Variants in CLCN5 observed in about 807,000 individuals in gnomAD.
The protein encoded by CLCN5 is H(+)/Cl(-) exchange transporter 5.
Under a neutral mutation model 54.0 loss-of-function variants are expected in CLCN5, and 17 were observed. That is an observed-to-expected ratio of 0.31 (90% CI 0.22 to 0.47). CLCN5 has a LOEUF of 0.47. CLCN5 is among the 20% of genes least tolerant of loss of function. The probability of loss-of-function intolerance (pLI) is 1.00; values close to 1 mark genes in which losing one functional copy is unlikely to be tolerated. For missense variants in CLCN5, 448 were observed against 646.7 expected (o/e 0.69, Z 3.33); for synonymous variants, 222 against 233.0 (o/e 0.95, Z 0.43).
intron 3 of CLCN5, among the ~76,000 whole-genome samples, chrX:49,990,203 C>T (rs1318514989): frequency 2.7e-5 from 3 of 110,224 alleles, no homozygotes; most frequent in African/African-American, 9.9e-5. Context: ...CTCGCTCTGT[C>T]GCCCAGGCTG....
At chrX:49,922,947 T>C in intron 1 of CLCN5, among the ~76,000 whole-genome samples, 155 bp downstream of exon 1, 1 of 111,672 alleles carries the variant, frequency 9.0e-6, no homozygotes, top group Non-Finnish European at 1.9e-5. Flanking sequence ...GCGCCCGGCG[T>C]TGGCAGCCCG....
intron 3 of CLCN5, among the ~76,000 whole-genome samples, chrX:49,978,263 A>C (rs1306137292): frequency 1.8e-5 from 2 of 111,783 alleles, no homozygotes; most frequent in Non-Finnish European, 3.8e-5. Context: ...AATTCTTAAT[A>C]GTTTTTGAGT....
At position 50,080,678 on chromosome X, in the gene CLCN5, G is replaced by A; in HGVS notation, c.688G>A (p.Val230Met). 1 of 1,206,178 alleles carries A rather than the reference G, an allele frequency of 8.3e-7. No individual in the cohort carries two copies. The highest frequency in any genetic ancestry group is 1.1e-6 in the Non-Finnish European group (1 of 890,893). The change falls in exon 8 of 15, where the codon GTG (valine) becomes ATG (methionine). Residue 230 changes from valine to methionine, a missense_variant. Coordinates refer to ENST00000376091, the MANE Select transcript of CLCN5 (RefSeq NM_001127898.4). ...CTTCCTTGCCGTATCTCTTGTCAAG[G>A]TGTTTGCGCCTTATGCCTGTGGCTC... ...FAFLAVSLVK[V>M]FAPYACGSGI... is the part of the protein sequence containing the mutation.
intron 3 of CLCN5, among the ~76,000 whole-genome samples, chrX:49,980,183 C>T (rs17174047): frequency 1.8e-5 from 2 of 110,647 alleles, no homozygotes; most frequent in African/African-American, 6.6e-5. Flanking sequence ...TAAATCTAAT[C>T]CTACTTTTAG....
chrX:50,026,113 T>G (rs1310034580), intron 3 of CLCN5, among the ~76,000 whole-genome samples: 2 of 112,107 alleles, frequency 1.8e-5, no homozygotes, highest in Non-Finnish European at 3.8e-5. Flanking sequence ...TGTTTTTTAA[T>G]TTTTCTTTAG....
chrX:50,018,333 C>T (rs185411651), intron 3 of CLCN5, among the ~76,000 whole-genome samples: 22 of 112,148 alleles, frequency 2.0e-4, no homozygotes, highest in African/African-American at 6.1e-4. Flanking sequence ...TGCAACCTTG[C>T]TATAGTTACT....
At chrX:49,952,303 C>G (rs1927075833) in intron 3 of CLCN5, among the ~76,000 whole-genome samples, 1 of 110,006 alleles carries the variant, frequency 9.1e-6, no homozygotes, top group African/African-American at 3.3e-5. Context: ...CTGGCCTTTC[C>G]TTTCAGCTAC....
At position 50,075,928 on chromosome X, in the gene CLCN5, A is replaced by G; in HGVS notation, c.549A>G (p.Arg183=). 8 of 1,211,664 alleles carry G rather than the reference A, an allele frequency of 6.6e-6. No homozygotes were observed. Among genetic ancestry groups the G allele is most frequent in the Non-Finnish European group, 8.9e-6 (8 of 895,142 alleles). ...CTGAGCATGTCACCTTTGAAGAGAG[A>G]GACAAATGTCCAGAGTGGAATAGTT... The part of the protein sequence containing the change: ...WNSEHVTFEE[R]DKCPEWNSWS... The change falls in exon 7 of 15, where the codon AGA becomes AGG. Residue 183 remains arginine (R), a synonymous_variant. Coordinates refer to ENST00000376091, the MANE Select transcript of CLCN5 (RefSeq NM_001127898.4).
chrX:49,996,214 C>T (rs190836109), intron 3 of CLCN5, among the ~76,000 whole-genome samples: 1 of 112,208 alleles, frequency 8.9e-6, no homozygotes, highest in African/African-American at 3.2e-5. Context: ...TAAGATTCAT[C>T]TTCATAAAAC....
intron 3 of CLCN5, among the ~76,000 whole-genome samples, chrX:49,934,893 G>T (rs782486477): frequency 8.9e-6 from 1 of 111,806 alleles, no homozygotes; most frequent in Non-Finnish European, 1.9e-5. Context: ...TAAATCTTCT[G>T]GCCCTTCCAC....
intron 3 of CLCN5, among the ~76,000 whole-genome samples, chrX:49,974,957 T>C (rs782319826): frequency 2.7e-5 from 3 of 112,004 alleles, no homozygotes; most frequent in African/African-American, 6.5e-5. Flanking sequence ...TGATATTTCA[T>C]TGGCTTCTTT....
At chrX:50,052,170 G>T (rs781870388) in intron 4 of CLCN5, among the ~76,000 whole-genome samples, 3 of 111,664 alleles carry the variant, frequency 2.7e-5, no homozygotes, top group Non-Finnish European at 5.7e-5. Context: ...GCCTTTTTTG[G>T]TAGATGTTCT....
intron 3 of CLCN5, among the ~76,000 whole-genome samples, chrX:50,033,267 C>G (rs1448304406): frequency 9.0e-6 from 1 of 111,218 alleles, no homozygotes; most frequent in East Asian, 2.8e-4. Flanking sequence ...ATCTAGAAAA[C>G]CCCATTGTCT....
intron 3 of CLCN5, among the ~76,000 whole-genome samples, chrX:49,971,227 T>A (rs979162710): frequency 2.3e-4 from 24 of 103,952 alleles, no homozygotes; most frequent in Admixed American, 3.3e-4. Context: ...TATATATATA[T>A]AAATATATAT....
rs782682234 is a variant in CLCN5, at chrX:49,975,485, G to A, written c.16+50171G>A. Among the ~76,000 whole-genome samples the A allele has an allele frequency of 1.3e-4, 15 of 111,734 alleles. No homozygotes were observed. In the Middle Eastern group the frequency reaches 0.014, roughly 103 times the overall value. ...AGGGAGGAAAATAGGATTGCCTGCA[G>A]CCACATGGAACAGCTGGCAGTTTTC... On this transcript the variant is annotated intron_variant, in intron 3 of 14. Coordinates refer to ENST00000376091, the MANE Select transcript of CLCN5 (RefSeq NM_001127898.4).
chrX:49,952,569 G>A (rs1450475080), intron 3 of CLCN5, among the ~76,000 whole-genome samples: 1 of 108,967 alleles, frequency 9.2e-6, no homozygotes, highest in Non-Finnish European at 1.9e-5. Context: ...ATGATTCAGT[G>A]ACTCCTTCCT....
At chrX:50,004,177 C>T (rs1025126208) in intron 3 of CLCN5, among the ~76,000 whole-genome samples, 5 of 111,786 alleles carry the variant, frequency 4.5e-5, no homozygotes, top group African/African-American at 1.6e-4. Context: ...ATTTGGTGAG[C>T]CACTCATTCA....
chrX:49,941,183 G>A (rs1389762013), intron 3 of CLCN5, among the ~76,000 whole-genome samples: 2 of 110,105 alleles, frequency 1.8e-5, no homozygotes, highest in African/African-American at 3.3e-5. Context: ...CTAGCCAGGC[G>A]TGGTGGTGCA....
At chrX:50,081,441 G>C (rs1232335025) in intron 8 of CLCN5, among the ~76,000 whole-genome samples, 200 bp from the exon 9 acceptor site, 2 of 111,213 alleles carry the variant, frequency 1.8e-5, no homozygotes, top group African/African-American at 6.6e-5. Flanking sequence ...CCCCTAAAAA[G>C]GGGGAACATG....
Sources: allele counts gnomAD v4.1 joint callset (sites outside exome capture counted in the v4.1 genomes callset), GRCh38; gene constraint gnomAD v4.1.1; transcripts MANE v1.5; gene names NCBI Gene and HGNC (gene_info 2026-07-23, HGNC 2026-07-21).